NDUFB9: variants seen among roughly 807,000 people sequenced by gnomAD.
NDUFB9 encodes NADH dehydrogenase [ubiquinone] 1 beta subcomplex subunit 9.
NDUFB9 carries 24 observed loss-of-function variants against 30.2 expected under a neutral mutation model. That is an observed-to-expected ratio of 0.80 (90% confidence interval 0.58 to 1.12). The LOEUF (loss-of-function observed/expected upper bound fraction) is 1.12, where lower values mean the gene tolerates loss of function less well. Among genes scored for constraint, NDUFB9 ranks in the 50% most tolerant of loss-of-function variants. The pLI, the probability that NDUFB9 is intolerant of heterozygous loss-of-function variation, is 0.00. For missense variants in NDUFB9, 204 were observed against 226.0 expected, an observed-to-expected ratio of 0.90 and a Z score of 0.62; for synonymous variants, 80 against 84.0, an observed-to-expected ratio of 0.95 and a Z score of 0.26.
chr8:124,545,778 C>T lies in NDUFB9; in HGVS notation c.295-1222C>T, dbSNP rs528401888. Among the ~76,000 whole-genome samples, 6 of 152,318 alleles carry T rather than the reference C, an allele frequency of 3.9e-5. No homozygotes were observed. The South Asian group carries it at 6.2e-4, about 16-fold the overall frequency. On this transcript the variant is annotated intron_variant, in intron 2 of 3. Coordinates refer to ENST00000276689, the MANE Select transcript of NDUFB9 (RefSeq NM_005005.3). ...CTCCTACCCTCATAGAATCTCCCTG[C>T]CTCAGCCTTCAAAGGGCTGGGACTA...
rs1822065072 is a variant in NDUFB9, at chr8:124,543,168, C to G, written c.183C>G (p.Thr61=). The G allele has an allele frequency of 1.2e-6, 2 of 1,614,182 alleles. No individual in the cohort carries two copies. Among genetic ancestry groups the G allele is most frequent in the Non-Finnish European group, 1.7e-6 (2 of 1,180,012 alleles). Residue 61 remains threonine, a synonymous_variant, in exon 2 of 4, where the codon ACC becomes ACG. Coordinates refer to ENST00000276689, the MANE Select transcript of NDUFB9 (RefSeq NM_005005.3). ...ATGAAAAGGATATGGCGAAGGCCAC[C>G]CAGCTGCTGAAGGAGGCCGAGGAAG... ...HKNEKDMAKA[T]QLLKEAEEEF...
At chr8:124,548,838 A>C (rs960092634) in intron 3 of NDUFB9, among the ~76,000 whole-genome samples, 3 of 152,200 alleles carry the variant, frequency 2.0e-5, no homozygotes, top group Admixed American at 2.0e-4. Context: ...CATTTAAACA[A>C]ATGAGTGGGA....
At chr8:124,546,712 A>C (rs1304142366) in intron 2 of NDUFB9, 1 of 492,958 alleles carries the variant, frequency 2.0e-6, no homozygotes, top group Admixed American at 3.4e-5. Context: ...GTAAGATAAG[A>C]CTACTCTGGA....
intron 2 of NDUFB9, 67 bp from the exon 3 acceptor site, chr8:124,546,933 A>C: frequency 9.5e-7 from 1 of 1,052,394 alleles, no homozygotes; most frequent in South Asian, 1.3e-5. Flanking sequence ...ACATCTCCTG[A>C]GCAGGCCCTG....
At chr8:124,540,161 G>A (rs1372222533) in intron 1 of NDUFB9, among the ~76,000 whole-genome samples, 5 of 152,310 alleles carry the variant, frequency 3.3e-5, no homozygotes, top group Non-Finnish European at 7.3e-5. Context: ...AGCCCAGATT[G>A]CATATATGTG....
At chr8:124,543,768 A>T (rs1424711720) in intron 2 of NDUFB9, among the ~76,000 whole-genome samples, 1 of 152,146 alleles carries the variant, frequency 6.6e-6, no homozygotes, top group Non-Finnish European at 1.5e-5. Context: ...CTCCGCCTCT[A>T]TCCCTCTCCT....
intron 1 of NDUFB9, 99 bp downstream of exon 1, chr8:124,539,386 G>A: frequency 9.5e-7 from 1 of 1,051,608 alleles, no homozygotes; most frequent in Admixed American, 1.8e-5. Context: ...CTTCGGGAAC[G>A]GAATTGGAAG....
At chr8:124,542,630 G>A (rs186573468) in intron 1 of NDUFB9, among the ~76,000 whole-genome samples, 1 of 152,240 alleles carries the variant, frequency 6.6e-6, no homozygotes, top group East Asian at 1.9e-4. Context: ...TACAAACCTA[G>A]CTCTGTATGA....
chr8:124,549,966 T>C lies in NDUFB9; in HGVS notation c.*74T>C, dbSNP rs956692505. ...AACATGCACTTGCCCTAATAAAAAA[T>C]CAGTGAAATGGTCTCTGGTATGACT... On this transcript the variant is annotated 3_prime_UTR_variant, in exon 4 of 4. Coordinates refer to ENST00000276689, the MANE Select transcript of NDUFB9 (RefSeq NM_005005.3). 1 of 1,608,702 alleles carries C rather than the reference T, an allele frequency of 6.2e-7. No individual in the cohort carries two copies. Among genetic ancestry groups the C allele is most frequent in the South Asian group, 1.1e-5 (1 of 90,020 alleles).
chr8:124,541,455 T>G (rs1214775591), intron 1 of NDUFB9, among the ~76,000 whole-genome samples: 1 of 152,214 alleles, frequency 6.6e-6, no homozygotes. Flanking sequence ...CAGTATGATA[T>G]TAGTAACTGA....
intron 2 of NDUFB9, among the ~76,000 whole-genome samples, chr8:124,543,854 T>G (rs1822093466): frequency 6.6e-6 from 1 of 152,178 alleles, no homozygotes; most frequent in Admixed American, 6.5e-5. Flanking sequence ...CCTCTAAGTG[T>G]TCAAGTGAAA....
chr8:124,539,540 A>G, intron 1 of NDUFB9: 1 of 517,596 alleles, frequency 1.9e-6, no homozygotes, highest in Non-Finnish European at 3.5e-6. Context: ...CGACCAGCGC[A>G]GAGGGTCGCA....
rs58685573 is a variant in NDUFB9 at position 124,542,807 on chromosome 8, C to CTTT, written c.102-261_102-259dup. 554 of 203,882 alleles carry CTTT rather than the reference C, an allele frequency of 2.7e-3. 3 individuals carry two copies. The highest frequency in any genetic ancestry group is 5.1e-3 in the African/African-American group (177 of 34,428). 12.6% of individuals were successfully genotyped at this position (203,882 alleles called of 1,614,324 possible). On this transcript the variant is annotated intron_variant, in intron 1 of 3. Coordinates refer to ENST00000276689, the MANE Select transcript of NDUFB9 (RefSeq NM_005005.3). ...GCTTTTCTCTTGCGAATGCTCTTTT[C>CTTT]TTTTTTTTTTTTTTTTTTTTTGTTT...
chr8:124,542,920 T>C, intron 1 of NDUFB9, 167 bp from the exon 2 acceptor site: 2 of 663,084 alleles, frequency 3.0e-6, no homozygotes, highest in South Asian at 3.4e-5. Context: ...TGCTGTTTGG[T>C]GGGCTGTAGA....
In NDUFB9 at chr8:124,539,205, G is replaced by C. The variant is rs780702672; in HGVS notation, c.19G>C (p.Gly7Arg). 1 of 1,614,234 alleles carries C rather than the reference G, an allele frequency of 6.2e-7. No homozygotes were observed. The highest frequency in any genetic ancestry group is 8.5e-7 in the Non-Finnish European group (1 of 1,180,040). MAFLAS[G>R]PYLTHQQKVL... ...CGCCGTAATGGCGTTCTTGGCGTCGGGACCCTACCTGACCCATCAGCAAAA... is the reference window on the plus strand; with the variant it reads ...CGCCGTAATGGCGTTCTTGGCGTCGCGACCCTACCTGACCCATCAGCAAAA... Residue 7 changes from glycine (G) to arginine (R), a missense_variant, in exon 1 of 4, where the codon GGA becomes CGA. By Grantham distance (125) the Gly-to-Arg change is moderately radical. Transcript: ENST00000276689.
Position 124,543,294 on chromosome 8 carries a change from T to A in NDUFB9, c.294+15T>A, listed in dbSNP as rs751484510. ...ATTGCTACAAGGTAGGTGAGAATTA[T>A]GATGACTGCCTTCTGAGAAATAGAC... On this transcript the variant is annotated intron_variant, in intron 2 of 3. Transcript: ENST00000276689. 1 of 1,606,938 alleles carries A rather than the reference T, an allele frequency of 6.2e-7. No homozygotes were observed. The highest frequency in any genetic ancestry group is 8.5e-7 in the Non-Finnish European group (1 of 1,173,418).
chr8:124,543,429 T>A, intron 2 of NDUFB9, 150 bp downstream of exon 2: 1 of 803,296 alleles, frequency 1.2e-6, no homozygotes, highest in Non-Finnish European at 2.0e-6. Context: ...CTCATTTTAT[T>A]GCATTTTGTT....
chr8:124,546,441 T>C (rs1822161808), intron 2 of NDUFB9, among the ~76,000 whole-genome samples: 1 of 152,098 alleles, frequency 6.6e-6, no homozygotes, highest in Non-Finnish European at 1.5e-5. Flanking sequence ...ACCAAAAACA[T>C]TTTGTGACTT....
Position 124,542,952 on chromosome 8 carries a change from G to A in NDUFB9, c.102-135G>A. The A allele has an allele frequency of 5.9e-6, 5 of 842,386 alleles. No homozygotes were observed. The East Asian group carries it at 1.3e-4, about 22-fold the overall frequency. The allele number at this position is 842,386 out of a possible 1,614,324, so 52.2% of individuals were successfully genotyped here. On this transcript the variant is annotated intron_variant, in intron 1 of 3. Coordinates refer to ENST00000276689, the MANE Select transcript of NDUFB9 (RefSeq NM_005005.3). Reference sequence around the variant, plus strand: ...TAGAGGAAGCAGCCATGATGATACGGCTGCTCCATTGGGAGGGTTGGGGTA... The same window carrying A: ...TAGAGGAAGCAGCCATGATGATACGACTGCTCCATTGGGAGGGTTGGGGTA...
Sources: allele counts gnomAD v4.1 joint callset (sites outside exome capture counted in the v4.1 genomes callset), GRCh38; gene constraint gnomAD v4.1.1; transcripts MANE v1.5; gene names NCBI Gene and HGNC (gene_info 2026-07-23, HGNC 2026-07-21).